Variants in ATL1 observed in about 807,000 individuals in gnomAD.
The protein encoded by ATL1 is atlastin-1.
In ATL1, 31 loss-of-function variants were observed where a neutral mutation model predicts 75.5. The ratio of observed to expected loss-of-function variants is 0.41; its 90% CI spans 0.31 to 0.55. The LOEUF is 0.55. ATL1 is among the 20% of genes least tolerant of loss of function. The pLI is 0.27. For missense variants in ATL1, 405 were observed against 662.6 expected, an observed-to-expected ratio of 0.61 and a Z score of 4.27; for synonymous variants, 226 against 233.3, an observed-to-expected ratio of 0.97 and a Z score of 0.28.
At chr14:50,618,859 A>ATC (rs1555365358) in intron 8 of ATL1, among the ~76,000 whole-genome samples, 1 of 147,734 alleles carries the variant, frequency 6.8e-6, no homozygotes, top group East Asian at 2.0e-4. Flanking sequence ...TATATAATGT[A>ATC]TGTGTGTGTG....
intron 1 of ATL1, among the ~76,000 whole-genome samples, chr14:50,542,267 A>T (rs1395961934): frequency 9.0e-6 from 1 of 110,856 alleles, no homozygotes; most frequent in Non-Finnish European, 1.7e-5. Context: ...AACATCACAC[A>T]CCGGGGGCCT....
At chr14:50,569,502 T>C (rs766745253) in intron 1 of ATL1, among the ~76,000 whole-genome samples, 1 of 152,210 alleles carries the variant, frequency 6.6e-6, no homozygotes, top group Admixed American at 6.5e-5. Context: ...AGTATTATTA[T>C]ATTAGCTTTT....
chr14:50,564,981 A>G (rs549542318), intron 1 of ATL1, among the ~76,000 whole-genome samples: 3 of 152,078 alleles, frequency 2.0e-5, no homozygotes, highest in African/African-American at 7.2e-5. Context: ...CTTCTAAAAC[A>G]ATATAAAATT....
intron 1 of ATL1, among the ~76,000 whole-genome samples, chr14:50,549,570 A>G (rs1293982942): frequency 1.3e-5 from 2 of 152,212 alleles, no homozygotes; most frequent in Admixed American, 6.5e-5. Flanking sequence ...GGGCCTTCCC[A>G]ATAAAACATG....
At chr14:50,561,509 CTG>C (rs2038845007) in intron 1 of ATL1, among the ~76,000 whole-genome samples, 1 of 152,186 alleles carries the variant, frequency 6.6e-6, no homozygotes, top group African/African-American at 2.4e-5. Context: ...TCTTCTATAA[CTG>C]TTTATTTGAG....
Position 50,632,679 on chromosome 14 carries a change from G to T in ATL1, c.*340G>T. On this transcript the variant is annotated 3_prime_UTR_variant, in exon 14 of 14. Transcript: ENST00000358385. ...TTAAATCATGTGATATTCCACGTTT[G>T]GATATGCTCATTTAATTTCTACAGA... 2 of 211,214 alleles carry T rather than the reference G, an allele frequency of 9.5e-6. No individual in the cohort carries two copies. 13.1% of individuals were successfully genotyped at this position (211,214 alleles called of 1,614,324 possible). A position where few individuals can be genotyped will look rare whatever the true frequency, so the allele number is the denominator to read the frequency against.
At chr14:50,572,407 T>G (rs1221050103) in intron 1 of ATL1, among the ~76,000 whole-genome samples, 1 of 152,146 alleles carries the variant, frequency 6.6e-6, no homozygotes, top group African/African-American at 2.4e-5. Flanking sequence ...TAATTAAAGT[T>G]TTCTATTTCT....
chr14:50,630,959 A>C (rs1187205267), intron 13 of ATL1: 1 of 455,586 alleles, frequency 2.2e-6, no homozygotes, highest in Non-Finnish European at 4.4e-6. Context: ...TACAGACGTA[A>C]TGCCATAAGA....
At chr14:50,593,731 T>C in intron 4 of ATL1, 115 bp from the exon 5 acceptor site, 1 of 676,522 alleles carries the variant, frequency 1.5e-6, no homozygotes, top group Non-Finnish European at 2.7e-6. Context: ...TGTAAGCATG[T>C]ACATAAGAGA....
intron 1 of ATL1, among the ~76,000 whole-genome samples, chr14:50,542,955 G>T (rs981062715): frequency 6.6e-6 from 1 of 152,226 alleles, no homozygotes; most frequent in East Asian, 1.9e-4. Context: ...TTACTTGGAA[G>T]GAAGAAGATT....
intron 1 of ATL1, among the ~76,000 whole-genome samples, chr14:50,586,741 A>G (rs925947894): frequency 3.3e-5 from 5 of 151,932 alleles, no homozygotes; most frequent in Non-Finnish European, 7.4e-5. Context: ...AAGATCTGGG[A>G]TGAAAGTTTT....
chr14:50,631,701 C>G (rs1466499685), intron 13 of ATL1, among the ~76,000 whole-genome samples: 1 of 152,040 alleles, frequency 6.6e-6, no homozygotes, highest in Non-Finnish European at 1.5e-5. Context: ...GTCACGGAAA[C>G]AAGGCAAGAG....
At chr14:50,538,253 C>T (rs1476908564) in intron 1 of ATL1, among the ~76,000 whole-genome samples, 2 of 152,198 alleles carry the variant, frequency 1.3e-5, no homozygotes, top group African/African-American at 2.4e-5. Flanking sequence ...TGACTTGCTC[C>T]TCCTTGCCTT....
Position 50,628,711 on chromosome 14 carries a change from T to C in ATL1, c.1551+249T>C, listed in dbSNP as rs117783723. 0.046 allele frequency: 27,844 copies of C among 610,512 alleles called. 921 individuals are homozygous for C. The highest frequency in any genetic ancestry group is 0.061 in the Non-Finnish European group (19,992 of 329,652). The allele number at this position is 610,512 out of a possible 1,614,324, so 37.8% of individuals were successfully genotyped here. ...ATATACATCAGTTTAGTAGTATATA[T>C]ACTTTTTTTTCTTTTTTTGGGTAGG... On this transcript the variant is annotated intron_variant, in intron 12 of 13. Transcript: ENST00000358385.
At chr14:50,550,714 T>C (rs944595422) in intron 1 of ATL1, among the ~76,000 whole-genome samples, 1 of 152,084 alleles carries the variant, frequency 6.6e-6, no homozygotes, top group Admixed American at 6.5e-5. Context: ...CAGACCACAG[T>C]GAAATAAAAC....
At chr14:50,607,862 A>G (rs2039329588) in intron 6 of ATL1, among the ~76,000 whole-genome samples, 1 of 152,106 alleles carries the variant, frequency 6.6e-6, no homozygotes, top group South Asian at 2.1e-4. Context: ...ATTAATAGCT[A>G]TGTGTCATAT....
At chr14:50,605,580 C>T (rs1322672425) in intron 6 of ATL1, among the ~76,000 whole-genome samples, 1 of 151,836 alleles carries the variant, frequency 6.6e-6, no homozygotes, top group Non-Finnish European at 1.5e-5. Flanking sequence ...TAATTTAGAA[C>T]CTTTGTCCAA....
intron 4 of ATL1, among the ~76,000 whole-genome samples, chr14:50,592,855 G>T (rs1269905209): frequency 6.7e-6 from 1 of 149,270 alleles, no homozygotes; most frequent in East Asian, 2.0e-4. Context: ...AGCACTTGCA[G>T]TGAGCCGAGA....
chr14:50,589,419 A>C (rs1348672225), intron 2 of ATL1, among the ~76,000 whole-genome samples: 3 of 152,044 alleles, frequency 2.0e-5, no homozygotes, highest in African/African-American at 7.2e-5. Flanking sequence ...CGGCCTCCCA[A>C]AGTGCTGAGA....
Sources: allele counts gnomAD v4.1 joint callset (sites outside exome capture counted in the v4.1 genomes callset), GRCh38; gene constraint gnomAD v4.1.1; transcripts MANE v1.5; gene names NCBI Gene and HGNC (gene_info 2026-07-23, HGNC 2026-07-21).